WDR75: variants seen among roughly 807,000 people sequenced by gnomAD.
WDR75 encodes WD repeat-containing protein 75.
In WDR75, 52 loss-of-function variants were observed where a neutral mutation model predicts 106.1. The observed-to-expected ratio is 0.49, with a 90% CI of 0.39 to 0.62. WDR75 has a LOEUF of 0.62. WDR75 is among the 20% of genes least tolerant of loss of function. The probability of loss-of-function intolerance (pLI) is 0.00; values close to 1 mark genes in which losing one functional copy is unlikely to be tolerated. For synonymous variants in WDR75, 333 were observed against 335.5 expected (o/e 0.99, Z 0.08); for missense variants, 905 against 970.3 (o/e 0.93, Z 0.89).
chr2:189,459,045 A>C (rs1686805101), intron 7 of WDR75, among the ~76,000 whole-genome samples, 173 bp downstream of exon 7: 1 of 152,220 alleles, frequency 6.6e-6, no homozygotes, highest in South Asian at 2.1e-4. Context: ...AAAGTGAGTG[A>C]AACATTTTTT....
chr2:189,463,661 G>C (rs1474808666), intron 9 of WDR75, 33 bp from the exon 10 acceptor site: 1 of 1,610,994 alleles, frequency 6.2e-7, no homozygotes, highest in Non-Finnish European at 8.5e-7. Flanking sequence ...CTAACCTATT[G>C]ATATTTAAAT....
At chr2:189,462,227 T>C (rs980216613) in intron 8 of WDR75, among the ~76,000 whole-genome samples, 3 of 152,094 alleles carry the variant, frequency 2.0e-5, no homozygotes, top group African/African-American at 7.2e-5. Flanking sequence ...CTAAAGGATA[T>C]TTGTTTGTCC....
intron 16 of WDR75, 55 bp downstream of exon 16, chr2:189,469,494 C>T (rs1044030827): frequency 6.9e-6 from 10 of 1,454,700 alleles, no homozygotes; most frequent in East Asian, 4.6e-5. Context: ...AAGTTTTCTT[C>T]TTAATATAAT....
intron 2 of WDR75, chr2:189,449,820 T>C (rs1426440595): frequency 1.0e-6 from 1 of 984,558 alleles, no homozygotes; most frequent in Non-Finnish European, 1.2e-6. Context: ...ATGGTTTTAC[T>C]CCAACATTTT....
chr2:189,462,394 C>T (rs778223576), intron 8 of WDR75, 90 bp from the exon 9 acceptor site: 20 of 1,415,346 alleles, frequency 1.4e-5, no homozygotes, highest in South Asian at 5.3e-5. Context: ...TTCTCTAGTA[C>T]GGTAGCAAAA....
intron 5 of WDR75, 31 bp downstream of exon 5, chr2:189,455,475 G>T (rs774141414): frequency 6.3e-7 from 1 of 1,587,894 alleles, no homozygotes; most frequent in South Asian, 1.1e-5. Context: ...TTTCTGTTTT[G>T]TACCTAAAAT....
chr2:189,451,082 T>C, intron 3 of WDR75, 114 bp downstream of exon 3: 1 of 1,286,922 alleles, frequency 7.8e-7, no homozygotes, highest in South Asian at 2.5e-5. Flanking sequence ...CCTAAACAAG[T>C]TACAAAATAA....
intron 18 of WDR75, among the ~76,000 whole-genome samples, chr2:189,473,565 C>T (rs966819387): frequency 6.6e-6 from 1 of 152,146 alleles, no homozygotes; most frequent in Non-Finnish European, 1.5e-5. Context: ...ACCACCACCA[C>T]CACCGCTATC....
chr2:189,467,432 C>T (rs1687025622), intron 13 of WDR75, 36 bp from the exon 14 acceptor site: 2 of 1,545,930 alleles, frequency 1.3e-6, no homozygotes, highest in Non-Finnish European at 1.7e-6. Context: ...CTAGCATTTA[C>T]ACAATTTCTG....
At chr2:189,460,162 C>G (rs1023853837) in intron 8 of WDR75, among the ~76,000 whole-genome samples, 7 of 152,146 alleles carry the variant, frequency 4.6e-5, no homozygotes, top group Non-Finnish European at 8.8e-5. Context: ...TTGACTGGTT[C>G]TTTAAGAAAG....
At chr2:189,455,792 A>G (rs1686723526) in intron 5 of WDR75, among the ~76,000 whole-genome samples, 1 of 152,206 alleles carries the variant, frequency 6.6e-6, no homozygotes, top group African/African-American at 2.4e-5. Flanking sequence ...AATAAAACCT[A>G]TAATCTCACC....
At chr2:189,463,558 A>C in intron 9 of WDR75, 136 bp from the exon 10 acceptor site, 1 of 644,242 alleles carries the variant, frequency 1.6e-6, no homozygotes, top group Non-Finnish European at 2.5e-6. Flanking sequence ...ATGAGCTAAA[A>C]ATAATAATAA....
intron 18 of WDR75, among the ~76,000 whole-genome samples, chr2:189,471,439 C>T (rs1276724861): frequency 1.3e-5 from 2 of 152,214 alleles, no homozygotes; most frequent in Non-Finnish European, 2.9e-5. Context: ...TAACACAATT[C>T]ATAGCCAAGC....
chr2:189,471,010 G>C (rs1442590855), intron 18 of WDR75, 132 bp downstream of exon 18: 4 of 457,102 alleles, frequency 8.8e-6, no homozygotes, highest in African/African-American at 8.1e-5. Flanking sequence ...CTTATAAACT[G>C]ATATGTGTCT....
intron 19 of WDR75, 103 bp from the exon 20 acceptor site, chr2:189,474,614 C>A: frequency 9.6e-7 from 1 of 1,039,982 alleles, no homozygotes; most frequent in Non-Finnish European, 1.4e-6. Flanking sequence ...ATGTTTCACT[C>A]TTGGCATTTA....
At chr2:189,464,249 G>A in intron 11 of WDR75, 1 of 322,124 alleles carries the variant, frequency 3.1e-6, no homozygotes, top group Non-Finnish European at 5.7e-6. Flanking sequence ...TGAGTCACAA[G>A]GATAAAGAAA....
intron 18 of WDR75, 103 bp from the exon 19 acceptor site, chr2:189,474,083 C>T: frequency 7.9e-7 from 1 of 1,273,822 alleles, no homozygotes; most frequent in Non-Finnish European, 1.1e-6. Flanking sequence ...TGTAAAATTC[C>T]TTTCATCCCA....
intron 15 of WDR75, 114 bp from the exon 16 acceptor site, chr2:189,469,230 T>A: frequency 1.3e-6 from 1 of 780,462 alleles, no homozygotes; most frequent in Non-Finnish European, 2.2e-6. Flanking sequence ...TCAGTGTGTC[T>A]CCATGTGTGT....
chr2:189,459,484 T>A, intron 8 of WDR75, 60 bp downstream of exon 8: 1 of 1,460,842 alleles, frequency 6.8e-7, no homozygotes, highest in Non-Finnish European at 9.5e-7. Context: ...GTGTTTTAAT[T>A]CACTGTATTT....
Sources: gnomAD v4.1 joint callset for allele counts (sites outside exome capture counted in the v4.1 genomes callset) on GRCh38, gnomAD v4.1.1 for gene constraint, MANE v1.5 for transcripts, NCBI Gene and HGNC (gene_info 2026-07-23, HGNC 2026-07-21) for gene names.